Variants in SLC25A26 observed in about 807,000 individuals in gnomAD.
The protein encoded by SLC25A26 is solute carrier family 25 member 26.
SLC25A26 carries 36 observed loss-of-function variants against 37.8 expected under a neutral mutation model. The ratio of observed to expected loss-of-function variants is 0.95; its 90% CI spans 0.73 to 1.26. The LOEUF is 1.26. Among genes scored for constraint, SLC25A26 ranks in the 50% most tolerant of loss-of-function variants. The pLI, the probability that SLC25A26 is intolerant of heterozygous loss-of-function variation, is 0.00. For missense variants in SLC25A26, 390 were observed against 331.1 expected, an observed-to-expected ratio of 1.18 and a Z score of -1.38; for synonymous variants, 129 against 122.5, an observed-to-expected ratio of 1.05 and a Z score of -0.35.
At chr3:66,138,354 A>T (rs1166285477) in intron 1 of SLC25A26, among the ~76,000 whole-genome samples, 1 of 152,122 alleles carries the variant, frequency 6.6e-6, no homozygotes, top group African/African-American at 2.4e-5. Context: ...ATCACACTCC[A>T]GGGCAACCAT....
At chr3:66,205,711 C>T in intron 1 of SLC25A26, among the ~76,000 whole-genome samples, 1 of 152,310 alleles carries the variant, frequency 6.6e-6, no homozygotes, top group Middle Eastern at 3.4e-3. Context: ...TAAGTGGAGG[C>T]AGCCCCTTGA....
At chr3:66,176,087 G>A (rs1217852149) in intron 1 of SLC25A26, among the ~76,000 whole-genome samples, 3 of 151,966 alleles carry the variant, frequency 2.0e-5, no homozygotes, top group Admixed American at 1.3e-4. Flanking sequence ...CATGATGTTT[G>A]GAAAAATGGA....
chr3:66,244,695 G>A (rs958995431), intron 3 of SLC25A26, among the ~76,000 whole-genome samples: 6 of 152,056 alleles, frequency 3.9e-5, no homozygotes, highest in South Asian at 2.1e-4. Context: ...ACTCTTGGCC[G>A]GGCACGGTGG....
At chr3:66,312,927 T>A (rs553444829) in intron 5 of SLC25A26, among the ~76,000 whole-genome samples, 1 of 152,172 alleles carries the variant, frequency 6.6e-6, no homozygotes, top group Non-Finnish European at 1.5e-5. Context: ...GAGCTACATA[T>A]CGGAGCTGTT....
intron 5 of SLC25A26, among the ~76,000 whole-genome samples, chr3:66,325,636 G>A (rs1449466183): frequency 3.9e-5 from 6 of 152,122 alleles, no homozygotes; most frequent in Admixed American, 3.3e-4. Context: ...GTGATAAGGG[G>A]GTGCAGGGAA....
chr3:66,301,414 C>G (rs1159471733), intron 5 of SLC25A26, among the ~76,000 whole-genome samples: 1 of 152,170 alleles, frequency 6.6e-6, no homozygotes, highest in African/African-American at 2.4e-5. Context: ...TGCCACAGTT[C>G]CCACTCTGGT....
intron 1 of SLC25A26, among the ~76,000 whole-genome samples, chr3:66,169,751 A>C (rs1349630917): frequency 1.3e-5 from 2 of 152,238 alleles, no homozygotes; most frequent in African/African-American, 4.8e-5. Flanking sequence ...TGCAGATATT[A>C]GTTTTTTACT....
chr3:66,169,871 C>T (rs1576609105), intron 1 of SLC25A26, among the ~76,000 whole-genome samples: 2 of 152,286 alleles, frequency 1.3e-5, no homozygotes, highest in African/African-American at 4.8e-5. Context: ...TTGGAATTTA[C>T]AGATATCTTT....
intron 7 of SLC25A26, among the ~76,000 whole-genome samples, chr3:66,365,169 G>C (rs1352667836): frequency 6.6e-6 from 1 of 152,196 alleles, no homozygotes; most frequent in East Asian, 1.9e-4. Flanking sequence ...TGCACTTGCA[G>C]ACTTTACCCT....
At chr3:66,304,430 T>A (rs993074826) in intron 5 of SLC25A26, 32 of 456,314 alleles carry the variant, frequency 7.0e-5, no homozygotes, top group Non-Finnish European at 1.4e-4. Context: ...TCTGTTGTCA[T>A]ATTTTTTCTT....
intron 6 of SLC25A26, among the ~76,000 whole-genome samples, chr3:66,347,529 A>G (rs1257396152): frequency 6.6e-6 from 1 of 152,200 alleles, no homozygotes; most frequent in East Asian, 1.9e-4. Flanking sequence ...GTTGGTGGGA[A>G]TGTAAATTAG....
intron 9 of SLC25A26, 145 bp from the exon 10 acceptor site, chr3:66,377,545 C>A: frequency 1.7e-6 from 1 of 596,238 alleles, no homozygotes; most frequent in Non-Finnish European, 3.0e-6. Context: ...ACAGCTATTA[C>A]TTGCCTTATT....
At chr3:66,291,501 G>A (rs1453941754) in intron 5 of SLC25A26, among the ~76,000 whole-genome samples, 1 of 152,134 alleles carries the variant, frequency 6.6e-6, no homozygotes, top group Non-Finnish European at 1.5e-5. Context: ...CCGGTACGTT[G>A]TGTATTTGCT....
At chr3:66,189,171 T>G (rs1439203684) in intron 1 of SLC25A26, among the ~76,000 whole-genome samples, 1 of 152,006 alleles carries the variant, frequency 6.6e-6, no homozygotes, top group African/African-American at 2.4e-5. Flanking sequence ...TCATTCTTAC[T>G]CCAACCCTCA....
chr3:66,286,567 C>A (rs549855441), intron 5 of SLC25A26, among the ~76,000 whole-genome samples: 1 of 152,080 alleles, frequency 6.6e-6, no homozygotes, highest in Non-Finnish European at 1.5e-5. Flanking sequence ...ATATAGGTTC[C>A]AAGCAATGTC....
intron 1 of SLC25A26, among the ~76,000 whole-genome samples, chr3:66,181,751 T>C (rs1434297536): frequency 2.0e-5 from 3 of 151,064 alleles, no homozygotes; most frequent in East Asian, 3.9e-4. Flanking sequence ...TCCCTCTGAA[T>C]TCCTCCTTCC....
intron 2 of SLC25A26, among the ~76,000 whole-genome samples, chr3:66,239,546 C>A (rs947636787): frequency 6.6e-6 from 1 of 152,166 alleles, no homozygotes; most frequent in Non-Finnish European, 1.5e-5. Flanking sequence ...AAAGCCAAAT[C>A]TTTTTCTAAA....
chr3:66,307,449 A>C (rs2075258189), intron 5 of SLC25A26, among the ~76,000 whole-genome samples: 1 of 152,066 alleles, frequency 6.6e-6, no homozygotes, highest in Admixed American at 6.6e-5. Context: ...CCCATTCTGT[A>C]GGTTGCCTGT....
At chr3:66,236,487 A>C (rs1490782885) in intron 1 of SLC25A26, 57 bp from the exon 2 acceptor site, 2 of 1,375,606 alleles carry the variant, frequency 1.5e-6, no homozygotes, top group Non-Finnish European at 1.9e-6. Context: ...AGTGGCCGAG[A>C]GCTTATTTTG....
Sources: gnomAD v4.1 joint callset for allele counts (sites outside exome capture counted in the v4.1 genomes callset) on GRCh38, gnomAD v4.1.1 for gene constraint, MANE v1.5 for transcripts, NCBI Gene and HGNC (gene_info 2026-07-23, HGNC 2026-07-21) for gene names.